ZNF730: variants seen among roughly 807,000 people sequenced by gnomAD.
ZNF730 encodes the protein zinc finger protein 730.
A neutral mutation model predicts 12.6 loss-of-function variants in ZNF730; 12 were observed. That is an observed-to-expected ratio of 0.95 (90% CI 0.61 to 1.54). The LOEUF is 1.54. Ranked by LOEUF, ZNF730 falls within the 40% of genes most tolerant of loss-of-function variation. The probability of loss-of-function intolerance (pLI) is 0.00; values close to 1 mark genes in which losing one functional copy is unlikely to be tolerated. For missense variants in ZNF730, 643 were observed against 583.5 expected, an observed-to-expected ratio of 1.10 and a Z score of -1.05; for synonymous variants, 194 against 195.8, an observed-to-expected ratio of 0.99 and a Z score of 0.08.
At chr19:23,134,591 G>T (rs1970798542) in intron 2 of ZNF730, among the ~76,000 whole-genome samples, 1 of 55,098 alleles carries the variant, frequency 1.8e-5, no homozygotes, top group Non-Finnish European at 4.5e-5. Flanking sequence ...CCCCGTCCTG[G>T]AGGGTGGGGG....
intron 1 of ZNF730, among the ~76,000 whole-genome samples, chr19:23,118,774 A>G (rs1970563291): frequency 6.6e-6 from 1 of 152,208 alleles, no homozygotes; most frequent in Admixed American, 6.5e-5. Flanking sequence ...CATGGAAAAA[A>G]TAGTATCCAA....
At chr19:23,134,767 T>C (rs1970802661) in intron 2 of ZNF730, among the ~76,000 whole-genome samples, 1 of 139,022 alleles carries the variant, frequency 7.2e-6, no homozygotes, top group Non-Finnish European at 1.6e-5. Context: ...ACAATGGCGG[T>C]TTTGTGGAAT....
At chr19:23,100,088 T>TA (rs1161547872) in intron 1 of ZNF730, 1 of 152,164 alleles carries the variant, frequency 6.6e-6, no homozygotes, top group Non-Finnish European at 1.5e-5. Context: ...ACCCAGATGA[T>TA]ATAAGTCTTC....
chr19:23,131,393 A>G (rs1970741075), intron 1 of ZNF730, among the ~76,000 whole-genome samples: 1 of 152,270 alleles, frequency 6.6e-6, no homozygotes, highest in African/African-American at 2.4e-5. Context: ...GTAGCATCTT[A>G]TTGAGCTTGT....
exon 1 of ZNF730, chr19:23,075,237 C>G (rs948667977): frequency 1.3e-5 from 2 of 152,336 alleles, no homozygotes; most frequent in Non-Finnish European, 2.9e-5. Context: ...CCCGCCAGAG[C>G]TTGGGATCGG....
rs760040276 is a variant in ZNF730 at position 23,134,081 on chromosome 19, G to A, written c.5G>A (p.Gly2Glu). Residue 2 changes from glycine to glutamate, a missense_variant and splice_region_variant, in exon 2 of 4, where the codon GGA (glycine) becomes GAA (glutamate). Physicochemically the swap from Gly to Glu is moderately conservative, Grantham distance 98 (BLOSUM62 -2). Transcript: ENST00000597761. Reference protein sequence around the residue: MGALTFRDVAIE... With the variant: MEALTFRDVAIE... ...TGTGTGTTTGTTTGTGTTTTTCAGG[G>A]AGCGTTGACATTTAGAGATGTGGCC... is the stretch of plus-strand genomic sequence containing the variant. The A allele has an allele frequency of 3.7e-6, 6 of 1,612,964 alleles. No homozygotes were observed. Among genetic ancestry groups the A allele is most frequent in the Non-Finnish European group, 5.1e-6 (6 of 1,179,536 alleles).
chr19:23,082,754 T>G (rs1258530027), intron 1 of ZNF730, among the ~76,000 whole-genome samples: 1 of 152,068 alleles, frequency 6.6e-6, no homozygotes, highest in African/African-American at 2.4e-5. Context: ...CAGGCTGGAG[T>G]GCAATGGCGT....
intron 3 of ZNF730, 117 bp from the exon 4 acceptor site, chr19:23,145,154 G>T (rs1970983720): frequency 5.9e-6 from 4 of 673,260 alleles, no homozygotes; most frequent in Admixed American, 7.3e-5. Flanking sequence ...AGAAATTAGG[G>T]CCTGTGGTAT....
chr19:23,094,384 A>ATCTATCTATCTATCTG (rs1555712305), intron 1 of ZNF730, among the ~76,000 whole-genome samples: 1 of 147,020 alleles, frequency 6.8e-6, no homozygotes, highest in Non-Finnish European at 1.5e-5. Flanking sequence ...CTATCTATCT[A>ATCTATCTATCTATCTG]TCTATCTGTC....
In ZNF730 at chr19:23,146,435, C is replaced by T. The variant is rs752045206; in HGVS notation, c.1391C>T (p.Ser464Phe). 5 of 1,612,572 alleles carry T rather than the reference C, an allele frequency of 3.1e-6. No individual in the cohort carries two copies. Among genetic ancestry groups the T allele is most frequent in the Non-Finnish European group, 4.2e-6 (5 of 1,179,842 alleles). ...CEECGKAFNR[S>F]STLTTHKIIH... Reference sequence around the variant, plus strand: ...GAATGTGGCAAAGCTTTTAACCGGTCCTCAACCCTCACTACACATAAGATA... The same window carrying T: ...GAATGTGGCAAAGCTTTTAACCGGTTCTCAACCCTCACTACACATAAGATA... Residue 464 changes from serine (S) to phenylalanine (F), a missense_variant, in exon 4 of 4, where the codon TCC becomes TTC. Coordinates refer to ENST00000597761, the MANE Select transcript of ZNF730 (RefSeq NM_001277403.2).
At chr19:23,115,370 T>G (rs1970506449), upstream of ZNF730, among the ~76,000 whole-genome samples, 1 of 152,206 alleles carries the variant, frequency 6.6e-6, no homozygotes, top group Admixed American at 6.5e-5. Context: ...TGATACTAAT[T>G]GCAGAAATTG....
At chr19:23,144,682 A>G (rs549798784) in intron 3 of ZNF730, among the ~76,000 whole-genome samples, 5 of 93,082 alleles carry the variant, frequency 5.4e-5, no homozygotes, top group African/African-American at 1.9e-4. Context: ...CCTGGGTGAC[A>G]GAGCAAGACT....
At chr19:23,100,433 G>A (rs1207549254) in intron 1 of ZNF730, 1 of 152,142 alleles carries the variant, frequency 6.6e-6, no homozygotes, top group African/African-American at 2.4e-5. Flanking sequence ...GCCCTAGTGT[G>A]TTACAGAGAA....
At chr19:23,117,511 A>G (rs1970546564) in intron 1 of ZNF730, among the ~76,000 whole-genome samples, 1 of 152,200 alleles carries the variant, frequency 6.6e-6, no homozygotes, top group Non-Finnish European at 1.5e-5. Context: ...CTGCGGGTTC[A>G]TGAATGGGAA....
chr19:23,144,376 G>C (rs1380061426), intron 3 of ZNF730: 1 of 152,084 alleles, frequency 6.6e-6, no homozygotes, highest in Non-Finnish European at 1.5e-5. Context: ...TTTTGTGTTT[G>C]CTTTTAGTTA....
At chr19:23,109,385 C>T (rs547322913) in intron 1 of ZNF730, among the ~76,000 whole-genome samples, 5 of 150,988 alleles carry the variant, frequency 3.3e-5, no homozygotes, top group South Asian at 2.1e-4. Context: ...CACACCACCA[C>T]GCCCAGCTAA....
At chr19:23,080,654 C>T (rs1969947035) in intron 1 of ZNF730, among the ~76,000 whole-genome samples, 1 of 151,844 alleles carries the variant, frequency 6.6e-6, no homozygotes, top group Non-Finnish European at 1.5e-5. Flanking sequence ...GGATTACAGA[C>T]GTGAACCACT....
intron 1 of ZNF730, among the ~76,000 whole-genome samples, chr19:23,106,243 AGAG>A (rs1392554233): frequency 1.3e-5 from 2 of 152,100 alleles, no homozygotes; most frequent in African/African-American, 4.8e-5. Flanking sequence ...AGCAGGAGGA[AGAG>A]GAGAAAGAAT....
chr19:23,112,455 G>A (rs1186917173), upstream of ZNF730, among the ~76,000 whole-genome samples: 1 of 152,172 alleles, frequency 6.6e-6, no homozygotes, highest in Non-Finnish European at 1.5e-5. Flanking sequence ...CAGGCACGGT[G>A]GCTAATGCCT....
Sources: gnomAD v4.1 joint callset for allele counts (sites outside exome capture counted in the v4.1 genomes callset) on GRCh38, gnomAD v4.1.1 for gene constraint, MANE v1.5 for transcripts, NCBI Gene and HGNC (gene_info 2026-07-23, HGNC 2026-07-21) for gene names.